Variants in PDE11A observed in about 807,000 individuals in gnomAD.
The protein encoded by PDE11A is dual 3',5'-cyclic-AMP and -GMP phosphodiesterase 11A.
Under a neutral mutation model 100.5 loss-of-function variants are expected in PDE11A, and 100 were observed. The observed-to-expected ratio is 1.00, with a 90% CI of 0.85 to 1.18. The LOEUF (loss-of-function observed/expected upper bound fraction) is 1.18, where lower values mean the gene tolerates loss of function less well. PDE11A is among the 50% of genes most tolerant of loss of function. The probability of loss-of-function intolerance (pLI) is 0.00; values close to 1 mark genes in which losing one functional copy is unlikely to be tolerated. For missense variants in PDE11A, 1,141 were observed against 1,152.6 expected, an observed-to-expected ratio of 0.99 and a Z score of 0.15; for synonymous variants, 381 against 420.8, an observed-to-expected ratio of 0.91 and a Z score of 1.16.
Position 177,774,256 on chromosome 2 carries a change from C to T in PDE11A, c.1738-4883G>A, listed in dbSNP as rs568497915. Among the ~76,000 whole-genome samples, 20 of 152,320 alleles carry T rather than the reference C, an allele frequency of 1.3e-4. No homozygotes were observed. In the South Asian group the frequency reaches 4.1e-3, roughly 32 times the overall value. ...TAATTTTAACAAGCATCTACACATGCTATTGTGGTCACATAGGACTTTTCC... is the reference window on the plus strand; with the variant it reads ...TAATTTTAACAAGCATCTACACATGTTATTGTGGTCACATAGGACTTTTCC... On this transcript the variant is annotated intron_variant, in intron 9 of 19. Coordinates refer to ENST00000286063, the MANE Select transcript of PDE11A (RefSeq NM_016953.4).
chr2:177,780,960 A>C (rs2082446166), intron 9 of PDE11A, among the ~76,000 whole-genome samples: 1 of 152,228 alleles, frequency 6.6e-6, no homozygotes, highest in Non-Finnish European at 1.5e-5. Flanking sequence ...AATTTCCTTC[A>C]AAAACTTTTC....
chr2:177,941,344 C>T (rs2085343520), intron 2 of PDE11A, among the ~76,000 whole-genome samples: 1 of 152,106 alleles, frequency 6.6e-6, no homozygotes, highest in Non-Finnish European at 1.5e-5. Flanking sequence ...CAGTTAAATT[C>T]CTCAATCCCC....
At chr2:177,803,444 A>G (rs1302175875) in intron 9 of PDE11A, among the ~76,000 whole-genome samples, 1 of 151,876 alleles carries the variant, frequency 6.6e-6, no homozygotes, top group East Asian at 1.9e-4. Context: ...TCTTCCTAAC[A>G]CTTTCTACAA....
chr2:177,979,924 T>A (rs1165773232), intron 2 of PDE11A, among the ~76,000 whole-genome samples: 1 of 150,526 alleles, frequency 6.6e-6, no homozygotes, highest in African/African-American at 2.4e-5. Context: ...ATCATTTTTA[T>A]CAAACAATAG....
rs1211131398 is a variant in PDE11A, at chr2:178,071,647, G to A, written c.791C>T (p.Thr264Ile). 3 of 1,612,526 alleles carry A rather than the reference G, an allele frequency of 1.9e-6. No homozygotes were observed. The highest frequency in any genetic ancestry group is 1.1e-5 in the South Asian group (1 of 91,046). Residue 264 changes from threonine to isoleucine, a missense_variant, in exon 1 of 20, where the codon ACA (threonine) becomes ATA (isoleucine). Physicochemically the swap from Thr to Ile is moderately conservative, Grantham distance 89 (BLOSUM62 -1). Transcript: ENST00000286063. ...VSKFFDVHAG[T>I]PLLPCSSTEN... The stretch of plus-strand genomic sequence containing the variant: ...TGTGCTGCTGCAAGGCAGCAGAGGT[G>A]TTCCTGCATGCACATCAAAGAATTT...
In PDE11A at chr2:177,688,877, T is replaced by C. The variant is rs183694274; in HGVS notation, c.2346-7974A>G. ...TGTAATTTATCTGCAAGGCATCTTT[T>C]ATTTGTAAAGTGAGAAATCACCATT... On this transcript the variant is annotated intron_variant, in intron 15 of 19. Coordinates refer to ENST00000286063, the MANE Select transcript of PDE11A (RefSeq NM_016953.4). Among the ~76,000 whole-genome samples, 9 of 152,372 alleles carry C rather than the reference T, an allele frequency of 5.9e-5. No homozygotes were observed. The East Asian group carries it at 9.6e-4, about 16-fold the overall frequency.
intron 4 of PDE11A, among the ~76,000 whole-genome samples, chr2:177,885,168 T>A (rs1282586681): frequency 6.6e-6 from 1 of 151,758 alleles, no homozygotes; most frequent in East Asian, 1.9e-4. Context: ...AGTTAATATG[T>A]ATGAACAAGT....
intron 4 of PDE11A, among the ~76,000 whole-genome samples, chr2:177,886,514 A>T (rs2084432664): frequency 6.6e-6 from 1 of 152,154 alleles, no homozygotes; most frequent in Non-Finnish European, 1.5e-5. Context: ...ACCAGAATTA[A>T]TTTTTTCTCC....
At chr2:178,025,536 C>G (rs1220533733) in intron 1 of PDE11A, among the ~76,000 whole-genome samples, 1 of 152,006 alleles carries the variant, frequency 6.6e-6, no homozygotes. Flanking sequence ...TATTATTTCT[C>G]TTTATTACAA....
intron 2 of PDE11A, among the ~76,000 whole-genome samples, chr2:177,954,998 C>A (rs2085544645): frequency 1.3e-5 from 2 of 152,136 alleles, no homozygotes; most frequent in Admixed American, 1.3e-4. Context: ...CCTAACCTAC[C>A]ACATCAGGAC....
At chr2:177,639,656 C>T (rs1293453722) in intron 19 of PDE11A, among the ~76,000 whole-genome samples, 1 of 152,156 alleles carries the variant, frequency 6.6e-6, no homozygotes, top group Non-Finnish European at 1.5e-5. Context: ...TATCAGTTTG[C>T]CAACCTGCTA....
chr2:177,798,903 G>A, intron 9 of PDE11A, among the ~76,000 whole-genome samples: 1 of 152,086 alleles, frequency 6.6e-6, no homozygotes, highest in Admixed American at 6.5e-5. Context: ...CTACAGTGTA[G>A]AAAGAGGAAA....
At chr2:177,688,122 A>T (rs1207156791) in intron 15 of PDE11A, 1 of 152,228 alleles carries the variant, frequency 6.6e-6, no homozygotes, top group African/African-American at 2.4e-5. Flanking sequence ...TTGTAAGTGT[A>T]TGGACAGTGG....
intron 12 of PDE11A, among the ~76,000 whole-genome samples, chr2:177,724,858 A>G (rs2081577095): frequency 6.6e-6 from 1 of 152,084 alleles, no homozygotes; most frequent in Non-Finnish European, 1.5e-5. Flanking sequence ...TTGGAGCGCC[A>G]TCTAGAGGAA....
chr2:177,755,997 A>G (rs549421463), intron 10 of PDE11A, among the ~76,000 whole-genome samples: 78 of 152,346 alleles, frequency 5.1e-4, no homozygotes, highest in African/African-American at 1.8e-3. Context: ...TTTGGTGTGC[A>G]CTACGCTCTC....
chr2:177,928,104 C>CAAAA (rs59085357), intron 2 of PDE11A, among the ~76,000 whole-genome samples: 23 of 56,394 alleles, frequency 4.1e-4, no homozygotes, highest in African/African-American at 7.4e-4. Flanking sequence ...AACTCCATCT[C>CAAAA]AAAAAAAAAA....
At chr2:177,726,425 C>T (rs1180267483) in intron 12 of PDE11A, among the ~76,000 whole-genome samples, 1 of 152,062 alleles carries the variant, frequency 6.6e-6, no homozygotes, top group South Asian at 2.1e-4. Flanking sequence ...TAAGTAGATG[C>T]TGTTGAAAAA....
At chr2:177,663,728 A>G in intron 19 of PDE11A, 138 bp downstream of exon 19, 2 of 695,536 alleles carry the variant, frequency 2.9e-6, no homozygotes, top group Non-Finnish European at 5.2e-6. Context: ...CAGAAATCCA[A>G]GAAAGACAAA....
chr2:177,861,882 G>A (rs1349471778), intron 5 of PDE11A, among the ~76,000 whole-genome samples: 1 of 151,804 alleles, frequency 6.6e-6, no homozygotes, highest in Non-Finnish European at 1.5e-5. Flanking sequence ...GAATGATATT[G>A]GACCCCTTAT....
Sources: allele counts gnomAD v4.1 joint callset (sites outside exome capture counted in the v4.1 genomes callset), GRCh38; gene constraint gnomAD v4.1.1; transcripts MANE v1.5; gene names NCBI Gene and HGNC (gene_info 2026-07-23, HGNC 2026-07-21).